The following ANAPC1 variants were observed in gnomAD, a reference collection of about 807,000 sequenced individuals.
ANAPC1 encodes anaphase promoting complex subunit 1.
Under a neutral mutation model 208.0 loss-of-function variants are expected in ANAPC1, and 36 were observed. That is an observed-to-expected ratio of 0.17 (90% CI 0.13 to 0.23). ANAPC1 has a LOEUF of 0.23. ANAPC1 is among the 10% of genes least tolerant of loss of function. The probability of loss-of-function intolerance (pLI) is 1.00; values close to 1 mark genes in which losing one functional copy is unlikely to be tolerated. For missense variants in ANAPC1, 942 were observed against 2,011.6 expected (o/e 0.47, Z 10.17); for synonymous variants, 378 against 695.2 (o/e 0.54, Z 7.18).
chr2:111,775,701 T>G (rs925474340), intron 46 of ANAPC1, among the ~76,000 whole-genome samples: 1 of 152,082 alleles, frequency 6.6e-6, no homozygotes, highest in Non-Finnish European at 1.5e-5. Context: ...TTCCATACAT[T>G]ATATGAAATG....
Position 111,809,103 on chromosome 2 carries a change from G to A in ANAPC1, c.3676C>T (p.Arg1226Trp), listed in dbSNP as rs1322440253. ...GCAGGAATGTGAATGCTAAGAAGCCGAGTAATAGACATATCCATGGTGCCT... is the reference window on the plus strand; with the variant it reads ...GCAGGAATGTGAATGCTAAGAAGCCAAGTAATAGACATATCCATGGTGCCT... ...KLGTMDMSIT[R>W]LLSIHIPALL... The change falls in exon 29 of 48, where the codon CGG becomes TGG. Residue 1226 changes from arginine (R) to tryptophan (W), a missense_variant. By Grantham distance (101) the Arg-to-Trp change is moderately radical. Transcript: ENST00000341068. 6.2e-7 allele frequency: 1 copy of A among 1,611,816 alleles called. No homozygotes were observed. The highest frequency in any genetic ancestry group is 1.7e-5 in the Admixed American group (1 of 59,994).
At chr2:111,771,417 T>C (rs1317787824) in intron 47 of ANAPC1, among the ~76,000 whole-genome samples, 2 of 152,158 alleles carry the variant, frequency 1.3e-5, no homozygotes, top group African/African-American at 2.4e-5. Flanking sequence ...ACTGTGTTCC[T>C]CAAGTTCTAG....
intron 45 of ANAPC1, among the ~76,000 whole-genome samples, chr2:111,778,099 AC>A (rs1185141963): frequency 1.8e-4 from 27 of 152,360 alleles, no homozygotes; most frequent in African/African-American, 6.3e-4. Flanking sequence ...TGTATGTATT[AC>A]TAATTTGCCT....
At chr2:111,849,233 T>C (rs1484203619) in intron 14 of ANAPC1, among the ~76,000 whole-genome samples, 2 of 152,224 alleles carry the variant, frequency 1.3e-5, no homozygotes, top group African/African-American at 4.8e-5. Context: ...AATCAGCCAA[T>C]GTGTTAAGAC....
At chr2:111,858,991 AG>A (rs1479508369) in intron 10 of ANAPC1, among the ~76,000 whole-genome samples, 1 of 152,190 alleles carries the variant, frequency 6.6e-6, no homozygotes, top group East Asian at 1.9e-4. Context: ...ATACTATGTA[AG>A]CTCCCTACTT....
chr2:111,823,805 C>T (rs887736850), intron 24 of ANAPC1, among the ~76,000 whole-genome samples: 1 of 151,464 alleles, frequency 6.6e-6, no homozygotes, highest in Non-Finnish European at 1.5e-5. Flanking sequence ...CAGTGGTTCA[C>T]TATAACATTG....
At chr2:111,825,727 A>T (rs756052297) in intron 22 of ANAPC1, 50 bp downstream of exon 22, 11 of 1,560,270 alleles carry the variant, frequency 7.1e-6, no homozygotes, top group Non-Finnish European at 8.8e-6. Flanking sequence ...CAATTCTGAT[A>T]CTGACATTTA....
At chr2:111,844,972 A>G (rs1268706582) in intron 16 of ANAPC1, among the ~76,000 whole-genome samples, 2 of 152,202 alleles carry the variant, frequency 1.3e-5, no homozygotes, top group Admixed American at 6.5e-5. Flanking sequence ...AAGCTTCCCA[A>G]GTAGCAAGGA....
intron 17 of ANAPC1, 54 bp from the exon 18 acceptor site, chr2:111,838,566 C>T: frequency 2.1e-6 from 3 of 1,429,684 alleles, no homozygotes; most frequent in Non-Finnish European, 2.9e-6. Context: ...TTCCTGTCAA[C>T]TGATCAACTT....
intron 16 of ANAPC1, 95 bp from the exon 17 acceptor site, chr2:111,843,694 G>A (rs1680893359): frequency 3.0e-6 from 3 of 986,440 alleles, no homozygotes; most frequent in East Asian, 2.6e-5. Context: ...ACTATGTAAA[G>A]GCCAATTATT....
intron 39 of ANAPC1, among the ~76,000 whole-genome samples, chr2:111,787,891 A>G (rs1317768319): frequency 6.8e-6 from 1 of 146,296 alleles, no homozygotes; most frequent in East Asian, 2.0e-4. Context: ...GGAATTAAAT[A>G]ATTAGAGCAC....
chr2:111,794,959 G>A, intron 34 of ANAPC1, 65 bp from the exon 35 acceptor site: 2 of 1,157,736 alleles, frequency 1.7e-6, no homozygotes, highest in Middle Eastern at 2.4e-4. Context: ...TTAATAATCT[G>A]AAGAATAACA....
rs138589572 is a variant in ANAPC1 at position 111,880,814 on chromosome 2, G to A, written c.12C>T (p.Phe4=). The A allele has an allele frequency of 5.6e-6, 9 of 1,613,780 alleles. No homozygotes were observed. The highest frequency in any genetic ancestry group is 1.7e-5 in the Admixed American group (1 of 59,986). MSN[F]YEERTTMIAA... ...CAATCATCGTTGTCCTTTCTTCATAGAAGTTCGACATGGGTTCCAAATATC... is the reference window on the plus strand; with the variant it reads ...CAATCATCGTTGTCCTTTCTTCATAAAAGTTCGACATGGGTTCCAAATATC... Residue 4 remains phenylalanine, a synonymous_variant, in exon 2 of 48, where the codon TTC becomes TTT. Coordinates refer to ENST00000341068, the MANE Select transcript of ANAPC1 (RefSeq NM_022662.4).
rs1339755223 is a variant in ANAPC1 at position 111,843,472 on chromosome 2, A to C, written c.1980T>G (p.Phe660Leu). 2 of 1,611,868 alleles carry C rather than the reference A, an allele frequency of 1.2e-6. No homozygotes were observed. Among genetic ancestry groups the C allele is most frequent in the African/African-American group, 2.7e-5 (2 of 74,848 alleles). The change falls in exon 17 of 48, where the codon TTT becomes TTG. Residue 660 changes from phenylalanine to leucine, a missense_variant. Physicochemically the swap from Phe to Leu is conservative, Grantham distance 22. Coordinates refer to ENST00000341068, the MANE Select transcript of ANAPC1 (RefSeq NM_022662.4). Reference sequence around the variant, plus strand: ...CCATCATGTTCATGAGACAAGTCACAAATAAATTCCACTCTGAGTGATAAC... The same window carrying C: ...CCATCATGTTCATGAGACAAGTCACCAATAAATTCCACTCTGAGTGATAAC... ...GPSYHSEWNL[F>L]VTCLMNMMGY...
intron 28 of ANAPC1, among the ~76,000 whole-genome samples, chr2:111,809,991 A>C (rs1367773527): frequency 8.9e-5 from 13 of 146,000 alleles, no homozygotes; most frequent in Admixed American, 8.2e-4. Flanking sequence ...ATACATCTGC[A>C]CAAAAACATG....
intron 33 of ANAPC1, among the ~76,000 whole-genome samples, chr2:111,801,755 T>G (rs1369740196): frequency 8.0e-5 from 12 of 149,458 alleles, no homozygotes; most frequent in Non-Finnish European, 1.8e-4. Flanking sequence ...AAAGAAAAAC[T>G]AAAATTGAGT....
In ANAPC1 at chr2:111,845,581, T is replaced by A. The variant is rs34686391; in HGVS notation, c.1852+1557A>T. On this transcript the variant is annotated intron_variant, in intron 16 of 47. Coordinates refer to ENST00000341068, the MANE Select transcript of ANAPC1 (RefSeq NM_022662.4). ...TCTGTTTGGCTATAAAGGGGTAAGA[T>A]TTTTTGTTTTCATTTATTTAATTTA... 3.1e-3 allele frequency among the ~76,000 whole-genome samples: 474 copies of A among 152,300 alleles called. 1 individual carries two copies. Among genetic ancestry groups the A allele is most frequent in the Non-Finnish European group, 5.2e-3 (352 of 68,026 alleles).
At chr2:111,816,400 A>G (rs1478937811) in intron 27 of ANAPC1, among the ~76,000 whole-genome samples, 2 of 151,790 alleles carry the variant, frequency 1.3e-5, no homozygotes, top group East Asian at 3.9e-4. Context: ...ATTATATGCT[A>G]TCGTTTAAAA....
chr2:111,795,179 C>T (rs533663683), intron 34 of ANAPC1: 4 of 268,822 alleles, frequency 1.5e-5, no homozygotes, highest in East Asian at 9.3e-5. Flanking sequence ...GTCAGGAGTT[C>T]GAGACCAGCC....
Sources: gnomAD v4.1 joint callset for allele counts (sites outside exome capture counted in the v4.1 genomes callset) on GRCh38, gnomAD v4.1.1 for gene constraint, MANE v1.5 for transcripts, NCBI Gene and HGNC (gene_info 2026-07-23, HGNC 2026-07-21) for gene names.